ARL10: variants seen among roughly 807,000 people sequenced by gnomAD.
The protein encoded by ARL10 is ARF like GTPase 10, also known as ADP-ribosylation factor-like protein 10.
In ARL10, 23 loss-of-function variants were observed where a neutral mutation model predicts 26.1. That is an observed-to-expected ratio of 0.88 (90% CI 0.63 to 1.25). The LOEUF (loss-of-function observed/expected upper bound fraction) is 1.25, where lower values mean the gene tolerates loss of function less well. ARL10 is among the 50% of genes most tolerant of loss of function. The probability of loss-of-function intolerance (pLI) is 0.00; values close to 1 mark genes in which losing one functional copy is unlikely to be tolerated. For missense variants in ARL10, 300 were observed against 323.6 expected, an observed-to-expected ratio of 0.93 and a Z score of 0.56; for synonymous variants, 138 against 149.1, an observed-to-expected ratio of 0.93 and a Z score of 0.54.
chr5:176,410,048 C>T, the ARL10 span, among the ~76,000 whole-genome samples: 1 of 152,202 alleles, frequency 6.6e-6, no homozygotes, highest in Non-Finnish European at 1.5e-5. Context: ...TACTGCCCAT[C>T]AATCTCGATC....
exon 2 of ARL10, chr5:176,388,527 T>C (rs756120217): frequency 1.2e-6 from 2 of 1,612,368 alleles, no homozygotes; most frequent in East Asian, 4.5e-5. Flanking sequence ...GTTTTGCCCT[T>C]GGCCTTGGGC....
the ARL10 span, among the ~76,000 whole-genome samples, chr5:176,408,901 C>T: frequency 4.6e-5 from 7 of 152,222 alleles, no homozygotes; most frequent in African/African-American, 1.4e-4. Flanking sequence ...CCTTTCTTAT[C>T]CCCATCCCAC....
downstream of ARL10, chr5:176,389,050 G>C: frequency 1.3e-6 from 2 of 1,560,326 alleles, no homozygotes; most frequent in South Asian, 2.3e-5. Context: ...GGACCAGAGC[G>C]CTAGCGGGGA....
At chr5:176,385,152 G>A (rs768000556), downstream of ARL10, 40 of 857,104 alleles carry the variant, frequency 4.7e-5, no homozygotes, top group Admixed American at 1.0e-4. Context: ...CAGGTGCTGC[G>A]CAAGCAGATC....
At chr5:176,405,959 G>T, downstream of ARL10, 1 of 166,316 alleles carries the variant, frequency 6.0e-6, no homozygotes, top group Non-Finnish European at 1.2e-5. Flanking sequence ...TTCCGGTGTG[G>T]CAGGGCCCCA....
Position 176,368,760 on chromosome 5 carries a change from G to C in ARL10, c.386-47G>C, listed in dbSNP as rs1401830105. On this transcript the variant is annotated intron_variant, in intron 2 of 3. Transcript: ENST00000310389. The surrounding 1 kb of genome is among the most constrained non-coding windows in gnomAD (Gnocchi z 4.1). ...GGGTGGGGTGGGGGCTGTGGGCAGT[G>C]AGCGGGGGCCCGGGAGGCTCTGAGC... The C allele has an allele frequency of 6.4e-7, 1 of 1,554,860 alleles. No individual in the cohort carries two copies. The highest frequency in any genetic ancestry group is 2.3e-5 in the East Asian group (1 of 44,282).
intron 1 of ARL10, chr5:176,398,119 G>A (rs929158605): frequency 2.0e-5 from 27 of 1,381,686 alleles, no homozygotes; most frequent in Non-Finnish European, 2.6e-5. Flanking sequence ...CCCTGCTGGG[G>A]ACCCACTCAT....
At position 176,368,875 on chromosome 5, in the gene ARL10, G is replaced by A. The variant is rs1454148377; in HGVS notation, c.454G>A (p.Val152Met). 1.9e-6 allele frequency: 3 copies of A among 1,614,094 alleles called. No homozygotes were observed. The highest frequency in any genetic ancestry group is 1.7e-5 in the Admixed American group (1 of 60,000). The change falls in exon 3 of 4, where the codon GTG (valine) becomes ATG (methionine). Residue 152 changes from valine to methionine, a missense_variant. Physicochemically the swap from Val to Met is conservative, Grantham distance 21 (BLOSUM62 1). Transcript: ENST00000310389. This position sits in a 1 kb window ranked among gnomAD's most constrained non-coding sequence, Gnocchi z 4.1. ...FVSEVDVLVFVVDSADRLRLP... is the reference protein window; with the variant it reads ...FVSEVDVLVFMVDSADRLRLP... The stretch of plus-strand genomic sequence containing the variant: ...GAGCGAGGTGGATGTGCTGGTGTTT[G>A]TGGTGGACTCGGCTGACCGACTGCG...
chr5:176,409,092 T>G, the ARL10 span, among the ~76,000 whole-genome samples: 6 of 152,140 alleles, frequency 3.9e-5, no homozygotes, highest in African/African-American at 1.2e-4. Context: ...TTCTCCTGCC[T>G]CAGCCTCCCA....
chr5:176,371,172 C>G (rs34247468), intron 3 of ARL10, among the ~76,000 whole-genome samples: 4 of 152,056 alleles, frequency 2.6e-5, no homozygotes, highest in Non-Finnish European at 5.9e-5. Flanking sequence ...GTCAGGAGTT[C>G]GAGACCAGCC....
At chr5:176,384,892 G>T (rs1755709246), downstream of ARL10, 1 of 526,704 alleles carries the variant, frequency 1.9e-6, no homozygotes, top group African/African-American at 1.9e-5. Flanking sequence ...AGTGTAGCCG[G>T]ATCTTTCAAC....
chr5:176,385,273 T>C (rs747437624), downstream of ARL10: 6 of 1,613,596 alleles, frequency 3.7e-6, no homozygotes, highest in Admixed American at 1.7e-5. Flanking sequence ...GTCAATGAGG[T>C]CCCGAGACAG....
rs1399144263 is a variant in ARL10 at position 176,377,733 on chromosome 5, T to C, written c.*5838T>C. The stretch of plus-strand genomic sequence containing the variant: ...TCAGTATTTTTTATAATCTGGATCA[T>C]CTTGCTCATTTGTGAGGTGCAGAGG... On this transcript the variant is annotated 3_prime_UTR_variant, in exon 4 of 4. Transcript: ENST00000310389. This position sits in a 1 kb window ranked among gnomAD's most constrained non-coding sequence, Gnocchi z 4.5. The C allele has an allele frequency of 1.3e-5, 2 of 152,216 alleles. No individual in the cohort carries two copies. Among genetic ancestry groups the C allele is most frequent in the African/African-American group, 4.8e-5 (2 of 41,444 alleles). The allele number at this position is 152,216 out of a possible 1,614,324, so 9.4% of individuals were successfully genotyped here.
At chr5:176,412,476 G>C in the ARL10 span, among the ~76,000 whole-genome samples, 1 of 152,164 alleles carries the variant, frequency 6.6e-6, no homozygotes, top group African/African-American at 2.4e-5. Flanking sequence ...AAGTTGAATT[G>C]TTGTTTTGAG....
chr5:176,409,007 G>C, the ARL10 span, among the ~76,000 whole-genome samples: 3 of 150,780 alleles, frequency 2.0e-5, no homozygotes, highest in Admixed American at 2.0e-4. Flanking sequence ...ATAGAGTTTT[G>C]CTCTTGTTGC....
downstream of ARL10, chr5:176,405,970 C>T (rs1757098282): frequency 5.3e-6 from 1 of 189,580 alleles, no homozygotes. Flanking sequence ...CAGGGCCCCA[C>T]ACCTGCTGGC....
chr5:176,399,112 G>A (rs1406293116), intron 1 of ARL10, among the ~76,000 whole-genome samples: 4 of 152,036 alleles, frequency 2.6e-5, no homozygotes, highest in Non-Finnish European at 4.4e-5. Flanking sequence ...CCCAAGTGCT[G>A]GGATTACAGG....
the ARL10 span, among the ~76,000 whole-genome samples, chr5:176,408,256 G>A: frequency 4.0e-5 from 6 of 150,984 alleles, no homozygotes; most frequent in Non-Finnish European, 8.8e-5. Context: ...CTGTCATGCC[G>A]GGCACGGTGG....
chr5:176,413,661 G>A, the ARL10 span, among the ~76,000 whole-genome samples: 1 of 152,224 alleles, frequency 6.6e-6, no homozygotes, highest in African/African-American at 2.4e-5. Context: ...GCTCTCAGCA[G>A]GCCAGGGCGC....
Sources: gnomAD v4.1 joint callset for allele counts (sites outside exome capture counted in the v4.1 genomes callset) on GRCh38, gnomAD v4.1.1 for gene constraint, Gnocchi (gnomAD v3.1) non-coding constraint, MANE v1.5 for transcripts, NCBI Gene and HGNC (gene_info 2026-07-23, HGNC 2026-07-21) for gene names.